PIK3C2A: variants seen among roughly 807,000 people sequenced by gnomAD.
PIK3C2A encodes phosphatidylinositol 4-phosphate 3-kinase C2 domain-containing subunit alpha.
In PIK3C2A, 97 loss-of-function variants were observed where a neutral mutation model predicts 204.5. The ratio of observed to expected loss-of-function variants is 0.47; its 90% CI spans 0.40 to 0.56. The LOEUF (loss-of-function observed/expected upper bound fraction) is 0.56, where lower values mean the gene tolerates loss of function less well. PIK3C2A is among the 20% of genes least tolerant of loss of function. The pLI, the probability that PIK3C2A is intolerant of heterozygous loss-of-function variation, is 0.00. For missense variants in PIK3C2A, 1,735 were observed against 1,969.2 expected (o/e 0.88, Z 2.25); for synonymous variants, 653 against 664.4 (o/e 0.98, Z 0.26).
chr11:17,193,536 C>G, intron 1 of PIK3C2A: 1 of 443,760 alleles, frequency 2.3e-6, no homozygotes, highest in Non-Finnish European at 4.5e-6. Flanking sequence ...CCGAAAATGG[C>G]ACAGAAATGG....
chr11:17,193,707 A>T (rs1470158674), intron 1 of PIK3C2A, among the ~76,000 whole-genome samples: 1 of 151,344 alleles, frequency 6.6e-6, no homozygotes. Context: ...TTAGCGGGGC[A>T]TGATGGCGCG....
intron 1 of PIK3C2A, among the ~76,000 whole-genome samples, chr11:17,199,807 C>T (rs1245751661): frequency 6.6e-6 from 1 of 151,650 alleles, no homozygotes; most frequent in Non-Finnish European, 1.5e-5. Context: ...TGCCTGTAGT[C>T]CCAGCTACTC....
intron 8 of PIK3C2A, among the ~76,000 whole-genome samples, chr11:17,142,911 AAGG>A (rs1336348610): frequency 6.6e-6 from 1 of 151,918 alleles, no homozygotes; most frequent in African/African-American, 2.4e-5. Context: ...GTTTTGTGGC[AAGG>A]AGAATAGAGA....
intron 25 of PIK3C2A, among the ~76,000 whole-genome samples, chr11:17,100,921 A>G (rs1166043900): frequency 2.6e-5 from 4 of 152,178 alleles, no homozygotes; most frequent in Non-Finnish European, 4.4e-5. Flanking sequence ...GAAAGTACAG[A>G]AATCTTCATT....
intron 2 of PIK3C2A, among the ~76,000 whole-genome samples, chr11:17,159,006 T>G (rs1260253638): frequency 6.6e-6 from 1 of 152,108 alleles, no homozygotes; most frequent in Non-Finnish European, 1.5e-5. Context: ...CCTCAAACAT[T>G]AACAGTTTTG....
rs1315054470 is a variant in PIK3C2A, at chr11:17,189,458, T to C, written c.-66+18390A>G. On this transcript the variant is annotated intron_variant, in intron 1 of 32. Coordinates refer to ENST00000691414, the MANE Select transcript of PIK3C2A (RefSeq NM_002645.4). ...GGTGAAACCCCATCTCTACTAAAAA[T>C]ACAAAAATTAGCTGGGCATGGTAGC... is the stretch of plus-strand genomic sequence containing the variant. Among the ~76,000 whole-genome samples the C allele has an allele frequency of 4.8e-5, 7 of 145,756 alleles. 1 individual carries two copies. The highest frequency in any genetic ancestry group is 2.0e-4 in the African/African-American group (7 of 35,700).
At chr11:17,151,607 G>A (rs893093567) in intron 3 of PIK3C2A, among the ~76,000 whole-genome samples, 3 of 152,140 alleles carry the variant, frequency 2.0e-5, no homozygotes, top group Admixed American at 2.0e-4. Context: ...TATTAGCTGT[G>A]TGAACTTATT....
At chr11:17,122,962 C>T in intron 13 of PIK3C2A, 149 bp from the exon 14 acceptor site, 1 of 548,536 alleles carries the variant, frequency 1.8e-6, no homozygotes, top group Non-Finnish European at 3.2e-6. Flanking sequence ...TCACTCTCCA[C>T]ATTGTACTGA....
intron 1 of PIK3C2A, among the ~76,000 whole-genome samples, chr11:17,180,081 A>G (rs1851484401): frequency 6.6e-6 from 1 of 152,230 alleles, no homozygotes; most frequent in Non-Finnish European, 1.5e-5. Flanking sequence ...GCACCAATGA[A>G]TGTATTCATT....
chr11:17,173,271 G>A (rs1159722748), intron 1 of PIK3C2A, among the ~76,000 whole-genome samples: 1 of 152,084 alleles, frequency 6.6e-6, no homozygotes, highest in Non-Finnish European at 1.5e-5. Flanking sequence ...AATAGAACTG[G>A]CCATTTCTAC....
Position 17,117,488 on chromosome 11 carries a change from TA to T in PIK3C2A, c.3216+2del. 1 of 1,602,310 alleles carries T rather than the reference TA, an allele frequency of 6.2e-7. No individual in the cohort carries two copies. Among genetic ancestry groups the T allele is most frequent in the Non-Finnish European group, 8.5e-7 (1 of 1,169,784 alleles). On this transcript the variant is annotated splice_donor_variant, in intron 19 of 32. Coordinates refer to ENST00000691414, the MANE Select transcript of PIK3C2A (RefSeq NM_002645.4). LOFTEE classifies it high-confidence loss of function. ...ATTTATATTACCTTTTATGGGTACA[TA>T]CCTGTCTGGCTGATCCACTAGCCTG...
intron 21 of PIK3C2A, among the ~76,000 whole-genome samples, chr11:17,110,890 T>A (rs1353943057): frequency 6.6e-6 from 1 of 152,168 alleles, no homozygotes; most frequent in African/African-American, 2.4e-5. Flanking sequence ...ATGTGAATTA[T>A]ATTCAATTAT....
chr11:17,175,807 T>C (rs1025935473), intron 1 of PIK3C2A, among the ~76,000 whole-genome samples: 26 of 152,312 alleles, frequency 1.7e-4, no homozygotes, highest in African/African-American at 6.0e-4. Flanking sequence ...TCATTTACAA[T>C]TTAAATTTAA....
intron 8 of PIK3C2A, among the ~76,000 whole-genome samples, chr11:17,144,409 G>T (rs1850163920): frequency 6.6e-6 from 1 of 152,050 alleles, no homozygotes; most frequent in African/African-American, 2.4e-5. Context: ...TGATAGGTGG[G>T]GACTAGGTCA....
rs961736640 is a variant in PIK3C2A, at chr11:17,138,163, C to T, written c.1705-1538G>A. The stretch of plus-strand genomic sequence containing the variant: ...AGGGCTTTAGGTCTCACAGCACGAA[C>T]CCCTCAAAGTCTACCTGGGTACACA... On this transcript the variant is annotated intron_variant, in intron 8 of 32. Transcript: ENST00000691414. The T allele has an allele frequency of 3.6e-6, 3 of 832,456 alleles. No homozygotes were observed. The African/African-American group carries it at 5.0e-5, about 14-fold the overall frequency. 51.6% of individuals were successfully genotyped at this position (832,456 alleles called of 1,614,324 possible). A position where few individuals can be genotyped will look rare whatever the true frequency, so the allele number is the denominator to read the frequency against.
intron 20 of PIK3C2A, among the ~76,000 whole-genome samples, chr11:17,113,440 T>C (rs1174201873): frequency 1.3e-5 from 2 of 152,080 alleles, no homozygotes; most frequent in African/African-American, 4.8e-5. Context: ...TTGTAATTAA[T>C]TAGCCATGGA....
At chr11:17,200,956 A>G (rs887230729) in intron 1 of PIK3C2A, among the ~76,000 whole-genome samples, 20 of 152,206 alleles carry the variant, frequency 1.3e-4, no homozygotes, top group African/African-American at 4.8e-4. Context: ...CTGTAATCCC[A>G]GCACTTTAGG....
chr11:17,182,092 CAA>C (rs112297790), intron 1 of PIK3C2A, among the ~76,000 whole-genome samples: 20 of 105,080 alleles, frequency 1.9e-4, no homozygotes, highest in Admixed American at 2.0e-4. Context: ...AACTCTGTCT[CAA>C]AAAAAAAAAA....
intron 28 of PIK3C2A, among the ~76,000 whole-genome samples, 193 bp downstream of exon 28, chr11:17,094,068 A>G (rs1249769128): frequency 6.6e-6 from 1 of 152,226 alleles, no homozygotes; most frequent in Non-Finnish European, 1.5e-5. Context: ...CATCCCGATC[A>G]TTTATTCATT....
Sources: gnomAD v4.1 joint callset for allele counts (sites outside exome capture counted in the v4.1 genomes callset) on GRCh38, gnomAD v4.1.1 for gene constraint, MANE v1.5 for transcripts, NCBI Gene and HGNC (gene_info 2026-07-23, HGNC 2026-07-21) for gene names.